CSMD1: variants seen among roughly 807,000 people sequenced by gnomAD.
CSMD1 encodes the protein CUB and Sushi multiple domains 1.
CSMD1 carries 213 observed loss-of-function variants against 417.5 expected under a neutral mutation model. The ratio of observed to expected loss-of-function variants is 0.51; its 90% CI spans 0.46 to 0.57. The LOEUF is 0.57. Among genes scored for constraint, CSMD1 ranks in the 20% least tolerant of loss-of-function variants. CSMD1 has a pLI of 0.00. For missense variants in CSMD1, 6,923 were observed against 4,529.7 expected, an observed-to-expected ratio of 1.53 and a Z score of -15.17; for synonymous variants, 2,862 against 1,736.8, an observed-to-expected ratio of 1.65 and a Z score of -16.11.
intron 7 of CSMD1, among the ~76,000 whole-genome samples, chr8:3,636,371 G>C (rs183139262): frequency 6.6e-6 from 1 of 152,052 alleles, no homozygotes; most frequent in Non-Finnish European, 1.5e-5. Context: ...AGAGATGAGG[G>C]TTCTCCATGT....
chr8:3,409,797 G>T (rs1055302808), intron 12 of CSMD1, among the ~76,000 whole-genome samples, 192 bp from the exon 13 acceptor site: 1 of 152,160 alleles, frequency 6.6e-6, no homozygotes, highest in Non-Finnish European at 1.5e-5. Flanking sequence ...CATTTCAAAT[G>T]AAGGGAAAGG....
At chr8:4,165,290 G>C (rs1043657179) in intron 3 of CSMD1, among the ~76,000 whole-genome samples, 5 of 152,228 alleles carry the variant, frequency 3.3e-5, no homozygotes, top group African/African-American at 9.6e-5. Context: ...GATCCACTCG[G>C]TTAAGTTCTG....
At chr8:3,778,891 G>A (rs1216464611) in intron 5 of CSMD1, among the ~76,000 whole-genome samples, 1 of 152,154 alleles carries the variant, frequency 6.6e-6, no homozygotes, top group East Asian at 1.9e-4. Context: ...TGGACAAAAA[G>A]TAGGACAGGA....
rs908076960 is a variant in CSMD1, at chr8:4,689,083, C to A, written c.86-51525G>T. 3.9e-5 allele frequency among the ~76,000 whole-genome samples: 6 copies of A among 152,258 alleles called. No homozygotes were observed. In the East Asian group the frequency reaches 7.7e-4, roughly 20 times the overall value. On this transcript the variant is annotated intron_variant, in intron 1 of 69. Coordinates refer to ENST00000635120, the MANE Select transcript of CSMD1 (RefSeq NM_033225.6). ...TTATTCAAGAGTGAATACATTTGCA[C>A]CTGTATTGATAAATTTGTTCTCAAC... is the stretch of plus-strand genomic sequence containing the variant.
intron 2 of CSMD1, among the ~76,000 whole-genome samples, chr8:4,574,442 C>G (rs1037631591): frequency 2.6e-5 from 4 of 152,164 alleles, no homozygotes; most frequent in African/African-American, 9.7e-5. Context: ...GCTTACCCTC[C>G]GTGGGCTGCA....
chr8:4,016,502 G>T (rs904346526), intron 4 of CSMD1, among the ~76,000 whole-genome samples: 2 of 152,122 alleles, frequency 1.3e-5, no homozygotes, highest in Non-Finnish European at 2.9e-5. Flanking sequence ...AGGACAAGGA[G>T]GTCCAAGGTT....
At chr8:4,727,961 T>A (rs1339732532) in intron 1 of CSMD1, among the ~76,000 whole-genome samples, 1 of 29,262 alleles carries the variant, frequency 3.4e-5, no homozygotes, top group Non-Finnish European at 5.6e-5. Flanking sequence ...TATGTATATA[T>A]ATACAAAATA....
chr8:4,188,324 G>C (rs77346509), intron 3 of CSMD1, among the ~76,000 whole-genome samples: 4,087 of 152,026 alleles, frequency 0.027, 187 homozygotes, highest in African/African-American at 0.092. Context: ...GTGGTTTTCT[G>C]GACCAAATGA....
intron 1 of CSMD1, among the ~76,000 whole-genome samples, chr8:4,782,229 C>T (rs1398811587): frequency 1.3e-5 from 2 of 152,096 alleles, no homozygotes; most frequent in African/African-American, 4.8e-5. Context: ...ATGTATATCT[C>T]AAAATAGCTA....
intron 1 of CSMD1, among the ~76,000 whole-genome samples, chr8:4,870,779 G>A (rs1320443535): frequency 1.3e-5 from 2 of 152,082 alleles, no homozygotes; most frequent in African/African-American, 4.8e-5. Flanking sequence ...CAGAACCCTG[G>A]TCCTCGGAAA....
chr8:3,952,995 T>C (rs892789364), intron 5 of CSMD1, among the ~76,000 whole-genome samples: 3 of 150,902 alleles, frequency 2.0e-5, no homozygotes, highest in African/African-American at 7.3e-5. Context: ...ATTAGAAAAA[T>C]AACATTATTT....
At chr8:4,027,995 A>C (rs1797151167) in intron 4 of CSMD1, among the ~76,000 whole-genome samples, 1 of 152,224 alleles carries the variant, frequency 6.6e-6, no homozygotes, top group African/African-American at 2.4e-5. Flanking sequence ...AAGTGAGATC[A>C]ATTAATTGAG....
intron 1 of CSMD1, among the ~76,000 whole-genome samples, chr8:4,851,302 A>T (rs554388977): frequency 8.5e-5 from 13 of 152,110 alleles, no homozygotes; most frequent in South Asian, 8.3e-4. Context: ...ACTGCATAGT[A>T]TTCTATGGTG....
intron 3 of CSMD1, among the ~76,000 whole-genome samples, chr8:4,317,614 A>G (rs1434665443): frequency 0.014 from 4 of 284 alleles, no homozygotes; most frequent in Non-Finnish European, 0.032. Context: ...GGAGAGAGAG[A>G]GAAAGAGAGA....
chr8:3,874,660 T>A (rs1350768944), intron 5 of CSMD1, among the ~76,000 whole-genome samples: 1 of 152,134 alleles, frequency 6.6e-6, no homozygotes, highest in South Asian at 2.1e-4. Flanking sequence ...GCTGCCATGT[T>A]TTTCTCTGTG....
chr8:4,719,028 T>C (rs1808871081), intron 1 of CSMD1, among the ~76,000 whole-genome samples: 1 of 152,146 alleles, frequency 6.6e-6, no homozygotes, highest in African/African-American at 2.4e-5. Context: ...AACTGAAGTT[T>C]ATATTATGTT....
At chr8:3,841,469 C>T (rs1803127972) in intron 5 of CSMD1, among the ~76,000 whole-genome samples, 1 of 152,146 alleles carries the variant, frequency 6.6e-6, no homozygotes, top group Admixed American at 6.5e-5. Flanking sequence ...AGACCAAGCA[C>T]TGCATTCCCC....
intron 7 of CSMD1, among the ~76,000 whole-genome samples, chr8:3,686,569 G>C (rs529985704): frequency 1.3e-5 from 2 of 152,276 alleles, no homozygotes; most frequent in East Asian, 3.9e-4. Flanking sequence ...GAAATATACT[G>C]TCTTGATACC....
chr8:2,986,545 C>T (rs549921126), intron 54 of CSMD1, among the ~76,000 whole-genome samples: 1 of 152,240 alleles, frequency 6.6e-6, no homozygotes, highest in South Asian at 2.1e-4. Flanking sequence ...CTCTGGCTCA[C>T]CCAGGCTGGA....
Sources: allele counts gnomAD v4.1 joint callset (sites outside exome capture counted in the v4.1 genomes callset), GRCh38; gene constraint gnomAD v4.1.1; transcripts MANE v1.5; gene names NCBI Gene and HGNC (gene_info 2026-07-23, HGNC 2026-07-21).